Variants in MLYCD observed in about 807,000 individuals in gnomAD.
MLYCD encodes the protein malonyl-CoA decarboxylase, mitochondrial.
A neutral mutation model predicts 35.8 loss-of-function variants in MLYCD; 27 were observed. The ratio of observed to expected loss-of-function variants is 0.75; its 90% CI spans 0.56 to 1.04. The LOEUF is 1.04. Ranked by LOEUF, MLYCD falls within the 50% of genes least tolerant of loss-of-function variation. MLYCD has a pLI of 0.00. For synonymous variants in MLYCD, 403 were observed against 302.4 expected (o/e 1.33, Z -3.45); for missense variants, 917 against 665.1 (o/e 1.38, Z -4.17).
rs1234404860 is a variant in MLYCD, at chr16:83,923,775, A to C, written c.*8286A>C. On this transcript the variant is annotated 3_prime_UTR_variant, in exon 5 of 5. Coordinates refer to ENST00000262430, the MANE Select transcript of MLYCD (RefSeq NM_012213.3). The stretch of plus-strand genomic sequence containing the variant: ...AGCTCTCCTTCCACCGCACTGGTCC[A>C]CCTCCTGACCGTACGTGGGGAGACC... 1 of 152,232 alleles carries C rather than the reference A, an allele frequency of 6.6e-6. No homozygotes were observed. The highest frequency in any genetic ancestry group is 1.5e-5 in the Non-Finnish European group (1 of 68,134). The allele number at this position is 152,232 out of a possible 1,614,324, so 9.4% of individuals were successfully genotyped here.
chr16:83,921,691 T>G lies in MLYCD; in HGVS notation c.*6202T>G, dbSNP rs1907659878. 6.6e-6 allele frequency: 1 copy of G among 152,192 alleles called. No homozygotes were observed. The highest frequency in any genetic ancestry group is 2.1e-4 in the South Asian group (1 of 4,826). The allele number at this position is 152,192 out of a possible 1,614,324, so 9.4% of individuals were successfully genotyped here. On this transcript the variant is annotated 3_prime_UTR_variant, in exon 5 of 5. Coordinates refer to ENST00000262430, the MANE Select transcript of MLYCD (RefSeq NM_012213.3). ...ACAAACCTCTTATCATCTGTTTACG[T>G]CTCACTCTTACTGTAGAACCTCTAG...
At chr16:83,907,386 G>C (rs182866813) in intron 2 of MLYCD, among the ~76,000 whole-genome samples, 1 of 152,076 alleles carries the variant, frequency 6.6e-6, no homozygotes, top group African/African-American at 2.4e-5. Flanking sequence ...ACCCATTTTC[G>C]CTCGTCCCAA....
At position 83,920,255 on chromosome 16, in the gene MLYCD, T is replaced by A. The variant is rs984729862; in HGVS notation, c.*4766T>A. ...TTCATAGAGCCCATTCTGTTTGCGA[T>A]AAAAACAGATCTCCTCCAGCTCACG... is the stretch of plus-strand genomic sequence containing the variant. On this transcript the variant is annotated 3_prime_UTR_variant, in exon 5 of 5. Coordinates refer to ENST00000262430, the MANE Select transcript of MLYCD (RefSeq NM_012213.3). 6.6e-6 allele frequency: 1 copy of A among 152,170 alleles called. No homozygotes were observed. Among genetic ancestry groups the A allele is most frequent in the Non-Finnish European group, 1.5e-5 (1 of 68,018 alleles). The allele number at this position is 152,170 out of a possible 1,614,324, so 9.4% of individuals were successfully genotyped here.
intron 2 of MLYCD, 147 bp downstream of exon 2, chr16:83,907,246 T>TG: frequency 1.4e-6 from 1 of 723,430 alleles, no homozygotes; most frequent in Non-Finnish European, 2.3e-6. Context: ...TATTTGCAAA[T>TG]GCTGCGGCTG....
At chr16:83,909,185 G>A (rs529216134) in intron 3 of MLYCD, among the ~76,000 whole-genome samples, 1 of 152,302 alleles carries the variant, frequency 6.6e-6, no homozygotes, top group South Asian at 2.1e-4. Context: ...TGGCAACATG[G>A]ATGAAAATTC....
At chr16:83,914,902 C>G (rs1907315520) in intron 4 of MLYCD, 54 bp from the exon 5 acceptor site, 2 of 1,612,908 alleles carry the variant, frequency 1.2e-6, no homozygotes, top group Non-Finnish European at 1.7e-6. Flanking sequence ...GGTAACGTAC[C>G]TGCTGAATTT....
intron 4 of MLYCD, 163 bp from the exon 5 acceptor site, chr16:83,914,793 G>C: frequency 9.3e-7 from 1 of 1,077,450 alleles, no homozygotes. Context: ...AGGAAAAAAA[G>C]AAAAGCTGCT....
chr16:83,902,814 A>T (rs149854305), intron 1 of MLYCD, among the ~76,000 whole-genome samples: 1 of 152,196 alleles, frequency 6.6e-6, no homozygotes, highest in East Asian at 1.9e-4. Context: ...CTGTGTTCTT[A>T]CTTTTTAAAA....
intron 1 of MLYCD, among the ~76,000 whole-genome samples, chr16:83,906,155 G>A (rs1200252331): frequency 6.6e-6 from 1 of 152,152 alleles, no homozygotes; most frequent in East Asian, 1.9e-4. Context: ...GAGAGGCCGA[G>A]GCAGGCAGAT....
At chr16:83,902,001 C>T (rs182295986) in intron 1 of MLYCD, among the ~76,000 whole-genome samples, 1 of 152,000 alleles carries the variant, frequency 6.6e-6, no homozygotes, top group Admixed American at 6.6e-5. Flanking sequence ...CCTTCCATTT[C>T]TTTACCTAGA....
Position 83,915,193 on chromosome 16 carries a change from ACTCCG to A in MLYCD, c.1189_1193del (p.Pro397AspfsTer80). On this transcript the variant is annotated frameshift_variant, in exon 5 of 5. Coordinates refer to ENST00000262430, the MANE Select transcript of MLYCD (RefSeq NM_012213.3). LOFTEE classifies it high-confidence loss of function. Reference sequence around the variant, plus strand: ...GGAGAAGCTGGTGCGGGCGCTGCAGACTCCGCTGATGAGGCTGTGCGCCTGGTACC... The same window carrying A: ...GGAGAAGCTGGTGCGGGCGCTGCAGACTGATGAGGCTGTGCGCCTGGTACC... 6.2e-7 allele frequency: 1 copy of A among 1,614,026 alleles called. No homozygotes were observed. Among genetic ancestry groups the A allele is most frequent in the South Asian group, 1.1e-5 (1 of 91,086 alleles).
At chr16:83,902,154 CGTATATATATATATATAT>C (rs1412542730) in intron 1 of MLYCD, among the ~76,000 whole-genome samples, 14 of 84,452 alleles carry the variant, frequency 1.7e-4, no homozygotes, top group African/African-American at 4.3e-4. Context: ...TGTGTGCGTG[CGTATATATATATATATAT>C]ATATATATAT....
intron 4 of MLYCD, chr16:83,912,636 T>C (rs891280478): frequency 1.6e-5 from 8 of 487,242 alleles, no homozygotes; most frequent in South Asian, 2.0e-5. Context: ...ATCAACTCTC[T>C]CTAGGGTGAC....
Position 83,899,124 on chromosome 16 carries a change from C to A in MLYCD, c.-21C>A, listed in dbSNP as rs1009412045. On this transcript the variant is annotated 5_prime_UTR_variant, in exon 1 of 5. Transcript: ENST00000262430. ...CGGCAGCGGCGGCGGCGCTCCCCCT[C>A]GGCAGCTGTTGTGGGGCACCATGCG... 1.5e-5 allele frequency: 17 copies of A among 1,108,242 alleles called. No individual in the cohort carries two copies. The African/African-American group carries it at 2.8e-4, about 18-fold the overall frequency. The allele number at this position is 1,108,242 out of a possible 1,614,324, so 68.7% of individuals were successfully genotyped here.
rs1907675739 is a variant in MLYCD at position 83,922,161 on chromosome 16, A to T, written c.*6672A>T. Reference sequence around the variant, plus strand: ...AGTCACAACCCCACCCCTGCCACAGAGCCTGCCCCCCCGAGTGTTCCCCAT... The same window carrying T: ...AGTCACAACCCCACCCCTGCCACAGTGCCTGCCCCCCCGAGTGTTCCCCAT... On this transcript the variant is annotated 3_prime_UTR_variant, in exon 5 of 5. Coordinates refer to ENST00000262430, the MANE Select transcript of MLYCD (RefSeq NM_012213.3). 1 of 152,088 alleles carries T rather than the reference A, an allele frequency of 6.6e-6. No individual in the cohort carries two copies. Among genetic ancestry groups the T allele is most frequent in the Non-Finnish European group, 1.5e-5 (1 of 68,172 alleles). 9.4% of individuals were successfully genotyped at this position (152,088 alleles called of 1,614,324 possible).
At chr16:83,899,722 C>A (rs756565337) in intron 1 of MLYCD, 50 bp downstream of exon 1, 2 of 1,474,218 alleles carry the variant, frequency 1.4e-6, no homozygotes, top group South Asian at 2.6e-5. Context: ...CCGCCCTCCT[C>A]GAGTAGTCCT....
chr16:83,904,530 C>G (rs1419167409), intron 1 of MLYCD, among the ~76,000 whole-genome samples: 3 of 152,334 alleles, frequency 2.0e-5, no homozygotes, highest in Non-Finnish European at 2.9e-5. Flanking sequence ...ACTTCCTAAT[C>G]ACGATTCATT....
chr16:83,914,311 C>T (rs943617192), intron 4 of MLYCD: 5 of 166,254 alleles, frequency 3.0e-5, no homozygotes, highest in Admixed American at 5.6e-5. Flanking sequence ...CTGCACCCGC[C>T]GTGGTGTGGC....
In MLYCD at chr16:83,915,246, C is replaced by A. The variant is rs752642605; in HGVS notation, c.1239C>A (p.Gly413=). Residue 413 remains glycine (G), a synonymous_variant, in exon 5 of 5, where the codon GGC becomes GGA. Transcript: ENST00000262430. ...AWYLYGEKHR[G]YALNPVANFH... ...ACCTGTATGGAGAGAAGCACCGCGGCTACGCGCTGAACCCCGTGGCCAACT... is the reference window on the plus strand; with the variant it reads ...ACCTGTATGGAGAGAAGCACCGCGGATACGCGCTGAACCCCGTGGCCAACT... The A allele has an allele frequency of 1.2e-5, 19 of 1,613,042 alleles. No homozygotes were observed. In the East Asian group the frequency reaches 4.2e-4, roughly 36 times the overall value.
Sources: gnomAD v4.1 joint callset for allele counts (sites outside exome capture counted in the v4.1 genomes callset) on GRCh38, gnomAD v4.1.1 for gene constraint, MANE v1.5 for transcripts, NCBI Gene and HGNC (gene_info 2026-07-23, HGNC 2026-07-21) for gene names.